ZCCHC12: variants seen among roughly 807,000 people sequenced by gnomAD.
ZCCHC12 encodes the protein zinc finger CCHC-type containing 12.
For synonymous variants in ZCCHC12, 128 were observed against 123.2 expected, an observed-to-expected ratio of 1.04 and a Z score of -0.26; for missense variants, 317 against 323.4, an observed-to-expected ratio of 0.98 and a Z score of 0.15.
Position 118,825,775 on chromosome X carries a change from G to C in ZCCHC12, c.531G>C (p.Gln177His). 2 of 1,211,879 alleles carry C rather than the reference G, an allele frequency of 1.7e-6. No homozygotes were observed. Residue 177 changes from glutamine (Q) to histidine (H), a missense_variant, in exon 4 of 4, where the codon CAG (glutamine) becomes CAC (histidine). Coordinates refer to ENST00000310164, the MANE Select transcript of ZCCHC12 (RefSeq NM_173798.4). Reference protein sequence around the residue: ...EKDANRTRLQQLLLGGELSRD... With the variant: ...EKDANRTRLQHLLLGGELSRD... ...ATGCAAACCGGACTCGCTTGCAGCA[G>C]CTCCTTTTAGGCGGTGAGCTGAGTA...
rs186832346 is a variant in ZCCHC12, at chrX:118,826,173, C to T, written c.929C>T (p.Ser310Phe). 38 of 1,209,749 alleles carry T rather than the reference C, an allele frequency of 3.1e-5. No individual in the cohort carries two copies. In the Admixed American group the frequency reaches 3.7e-4, roughly 12 times the overall value. The change falls in exon 4 of 4, where the codon TCC (serine) becomes TTC (phenylalanine). Residue 310 changes from serine (S) to phenylalanine (F), a missense_variant. Ser to Phe is a radical substitution (Grantham distance 155). Coordinates refer to ENST00000310164, the MANE Select transcript of ZCCHC12 (RefSeq NM_173798.4). ...CAGGATGAAGTGCTGGTCATTGATTCCCCCCACAATTCCAGGGCTCAGTTT... is the reference window on the plus strand; with the variant it reads ...CAGGATGAAGTGCTGGTCATTGATTTCCCCCACAATTCCAGGGCTCAGTTT... ...RPQDEVLVID[S>F]PHNSRAQFPS...
chrX:118,825,209 ATCT>A lies in ZCCHC12; in HGVS notation c.-31_-29del. ...TTAAGCTTTTCTAAAAAGCCTAGGC[ATCT>A]TCTTATATTCAGATACCCTATCGTC... On this transcript the variant is annotated 5_prime_UTR_variant, in exon 4 of 4. Coordinates refer to ENST00000310164, the MANE Select transcript of ZCCHC12 (RefSeq NM_173798.4). The A allele has an allele frequency of 1.7e-6, 2 of 1,211,546 alleles. No individual in the cohort carries two copies. The highest frequency in any genetic ancestry group is 2.2e-6 in the Non-Finnish European group (2 of 895,270).
At chrX:118,824,168 T>C (rs2018224045) in intron 1 of ZCCHC12, among the ~76,000 whole-genome samples, 163 bp downstream of exon 1, 1 of 88,175 alleles carries the variant, frequency 1.1e-5, no homozygotes, top group Non-Finnish European at 2.1e-5. Flanking sequence ...ACCTGGATAC[T>C]GCGGGCTAGG....
At position 118,825,679 on chromosome X, in the gene ZCCHC12, C is replaced by T; in HGVS notation, c.435C>T (p.Ala145=). The T allele has an allele frequency of 8.3e-7, 1 of 1,211,671 alleles. No homozygotes were observed. The highest frequency in any genetic ancestry group is 1.1e-6 in the Non-Finnish European group (1 of 895,547). Reference sequence around the variant, plus strand: ...CCCTACAAGCTCAAGGGGAGAAAGCCTCCCTTTATGTGATCCGTTTAGAGG... The same window carrying T: ...CCCTACAAGCTCAAGGGGAGAAAGCTTCCCTTTATGTGATCCGTTTAGAGG... ...FNTLQAQGEK[A]SLYVIRLEVQ... is the part of the protein sequence containing the mutation. Residue 145 remains alanine, a synonymous_variant, in exon 4 of 4, where the codon GCC becomes GCT. Transcript: ENST00000310164.
Position 118,825,213 on chromosome X carries a change from T to G in ZCCHC12, c.-32T>G. ...GCTTTTCTAAAAAGCCTAGGCATCTTCTTATATTCAGATACCCTATCGTCG... is the reference window on the plus strand; with the variant it reads ...GCTTTTCTAAAAAGCCTAGGCATCTGCTTATATTCAGATACCCTATCGTCG... On this transcript the variant is annotated 5_prime_UTR_variant, in exon 4 of 4. Transcript: ENST00000310164. The G allele has an allele frequency of 8.3e-7, 1 of 1,211,433 alleles. No individual in the cohort carries two copies. The highest frequency in any genetic ancestry group is 1.7e-5 in the African/African-American group (1 of 57,774).
chrX:118,826,412 G>A lies in ZCCHC12; in HGVS notation c.1168G>A (p.Val390Met), dbSNP rs1416197900. ...CCATACTGAGATGGAGAGGTCAAGA[G>A]TGGCCCCTGGCGAATACAATGACTT... Reference protein sequence around the residue: ...LTHTEMERSRVAPGEYNDFSE... With the variant: ...LTHTEMERSRMAPGEYNDFSE... The change falls in exon 4 of 4, where the codon GTG becomes ATG. Residue 390 changes from valine to methionine, a missense_variant. Val to Met is a conservative substitution (Grantham distance 21). Coordinates refer to ENST00000310164, the MANE Select transcript of ZCCHC12 (RefSeq NM_173798.4). 2.5e-6 allele frequency: 3 copies of A among 1,208,991 alleles called. No individual in the cohort carries two copies. The highest frequency in any genetic ancestry group is 1.1e-6 in the Non-Finnish European group (1 of 895,018).
Position 118,825,570 on chromosome X carries a change from G to A in ZCCHC12, c.326G>A (p.Ser109Asn). The A allele has an allele frequency of 1.7e-6, 2 of 1,212,012 alleles. No individual in the cohort carries two copies. The highest frequency in any genetic ancestry group is 2.3e-4 in the Middle Eastern group (1 of 4,356). Residue 109 changes from serine to asparagine, a missense_variant, in exon 4 of 4, where the codon AGT (serine) becomes AAT (asparagine). By Grantham distance (46) the Ser-to-Asn change is conservative. Transcript: ENST00000310164. ...CTTCAGGCGACCAACCCTAACCTAA[G>A]TGTGGCAGATTTCTTGCGAGCCATG... ...RVLQATNPNLSVADFLRAMKL... is the reference protein window; with the variant it reads ...RVLQATNPNLNVADFLRAMKL...
chrX:118,825,210 T>G lies in ZCCHC12; in HGVS notation c.-35T>G. On this transcript the variant is annotated 5_prime_UTR_variant, in exon 4 of 4. Coordinates refer to ENST00000310164, the MANE Select transcript of ZCCHC12 (RefSeq NM_173798.4). ...TAAGCTTTTCTAAAAAGCCTAGGCA[T>G]CTTCTTATATTCAGATACCCTATCG... 2.5e-6 allele frequency: 3 copies of G among 1,211,560 alleles called. No individual in the cohort carries two copies. The highest frequency in any genetic ancestry group is 3.4e-6 in the Non-Finnish European group (3 of 895,270).
chrX:118,825,991 G>C lies in ZCCHC12; in HGVS notation c.747G>C (p.Gln249His). The C allele has an allele frequency of 8.3e-7, 1 of 1,211,621 alleles. No homozygotes were observed. The highest frequency in any genetic ancestry group is 1.1e-6 in the Non-Finnish European group (1 of 895,480). The change falls in exon 4 of 4, where the codon CAG becomes CAC. Residue 249 changes from glutamine to histidine, a missense_variant. By Grantham distance (24) the Gln-to-His change is conservative (BLOSUM62 0). Transcript: ENST00000310164. ...VERAVSPVAF[Q>H]GSPPIVIGSA... ...GGGCAGTCAGCCCTGTGGCATTTCA[G>C]GGCTCCCCACCGATAGTGATCGGCA...
chrX:118,824,294 ATGTGGG>A (rs1328740798), intron 1 of ZCCHC12, 39 bp from the exon 2 acceptor site: 1 of 110,836 alleles, frequency 9.0e-6, no homozygotes, highest in Non-Finnish European at 1.9e-5. Context: ...TGGGAGGAAT[ATGTGGG>A]TGGGTGTGTC....
At position 118,826,421 on chromosome X, in the gene ZCCHC12, G is replaced by A. The variant is rs913813464; in HGVS notation, c.1177G>A (p.Gly393Ser). ...TEMERSRVAPGEYNDFSEPL is the reference protein window; with the variant it reads ...TEMERSRVAPSEYNDFSEPL The stretch of plus-strand genomic sequence containing the variant: ...GATGGAGAGGTCAAGAGTGGCCCCT[G>A]GCGAATACAATGACTTCTCTGAGCC... The change falls in exon 4 of 4, where the codon GGC (glycine) becomes AGC (serine). Residue 393 changes from glycine to serine, a missense_variant. Physicochemically the swap from Gly to Ser is moderately conservative, Grantham distance 56 (BLOSUM62 0). Transcript: ENST00000310164. The A allele has an allele frequency of 7.9e-5, 96 of 1,208,694 alleles. No homozygotes were observed. Among genetic ancestry groups the A allele is most frequent in the Non-Finnish European group, 9.3e-5 (83 of 894,961 alleles).
In ZCCHC12 at chrX:118,826,063, C is replaced by T. The variant is rs1439958600; in HGVS notation, c.819C>T (p.Ser273=). 1 of 1,211,149 alleles carries T rather than the reference C, an allele frequency of 8.3e-7. No individual in the cohort carries two copies. Among genetic ancestry groups the T allele is most frequent in the Non-Finnish European group, 1.1e-6 (1 of 895,187 alleles). The change falls in exon 4 of 4, where the codon TCC becomes TCT. Residue 273 remains serine (S), a synonymous_variant. Coordinates refer to ENST00000310164, the MANE Select transcript of ZCCHC12 (RefSeq NM_173798.4). The part of the protein sequence containing the change: ...VIEIDDTLDD[S]DEDVILVESQ... The stretch of plus-strand genomic sequence containing the variant: ...AGATAGATGATACCCTCGACGACTC[C>T]GATGAGGATGTGATCCTGGTGGAGT...
At chrX:118,825,000 G>A (rs1472576089) in intron 3 of ZCCHC12, 131 bp from the exon 4 acceptor site, 1 of 415,590 alleles carries the variant, frequency 2.4e-6, no homozygotes, top group Non-Finnish European at 4.1e-6. Flanking sequence ...GAGGTTGTAA[G>A]TGTCAATCTC....
At chrX:118,824,928 G>A (rs947678035) in intron 3 of ZCCHC12, among the ~76,000 whole-genome samples, 33 of 111,822 alleles carry the variant, frequency 3.0e-4, no homozygotes, top group African/African-American at 1.0e-3. Flanking sequence ...GAGGACTGGT[G>A]GGAGGGATGG....
rs2018229126 is a variant in ZCCHC12 at position 118,824,625 on chromosome X, C to T, written c.-203C>T. The T allele has an allele frequency of 8.9e-6, 1 of 112,024 alleles. No homozygotes were observed. The highest frequency in any genetic ancestry group is 3.3e-5 in the African/African-American group (1 of 30,402). The allele number at this position is 112,024 out of a possible 1,213,427, so 9.2% of individuals were successfully genotyped here. A position where few individuals can be genotyped will look rare whatever the true frequency, so the allele number is the denominator to read the frequency against. On this transcript the variant is annotated 5_prime_UTR_variant, in exon 3 of 4. Transcript: ENST00000310164. The stretch of plus-strand genomic sequence containing the variant: ...GCGACCCCCTGTGGACAGAGGTTGA[C>T]CGTACCCCGGAGAGGAGCTTTCTCA...
chrX:118,826,373 C>T lies in ZCCHC12; in HGVS notation c.1129C>T (p.Leu377Phe), dbSNP rs1291573313. 3 of 1,211,826 alleles carry T rather than the reference C, an allele frequency of 2.5e-6. No individual in the cohort carries two copies. Among genetic ancestry groups the T allele is most frequent in the South Asian group, 1.8e-5 (1 of 56,975 alleles). ...GGTTTTTGAGAATTTGATCATCACT[C>T]TCCAGGAGCTGACCCATACTGAGAT... ...AQVFENLIIT[L>F]QELTHTEMER... The change falls in exon 4 of 4, where the codon CTC (leucine) becomes TTC (phenylalanine). Residue 377 changes from leucine (L) to phenylalanine (F), a missense_variant. By Grantham distance (22) the Leu-to-Phe change is conservative. Transcript: ENST00000310164.
chrX:118,825,325 G>A lies in ZCCHC12; in HGVS notation c.81G>A (p.Arg27=). 8.3e-7 allele frequency: 1 copy of A among 1,211,546 alleles called. No homozygotes were observed. The highest frequency in any genetic ancestry group is 1.1e-6 in the Non-Finnish European group (1 of 895,489). ...PLPPWAHSML[R]SLGRSLGPIM... The stretch of plus-strand genomic sequence containing the variant: ...CGCCTTGGGCCCATTCCATGCTGAG[G>A]TCCCTGGGGAGAAGTCTCGGTCCTA... The change falls in exon 4 of 4, where the codon AGG becomes AGA. Residue 27 remains arginine (R), a synonymous_variant. Coordinates refer to ENST00000310164, the MANE Select transcript of ZCCHC12 (RefSeq NM_173798.4).
Position 118,826,418 on chromosome X carries a change from C to A in ZCCHC12, c.1174C>A (p.Pro392Thr). Residue 392 changes from proline (P) to threonine (T), a missense_variant, in exon 4 of 4, where the codon CCT becomes ACT. Transcript: ENST00000310164. ...HTEMERSRVAPGEYNDFSEPL is the reference protein window; with the variant it reads ...HTEMERSRVATGEYNDFSEPL Reference sequence around the variant, plus strand: ...TGAGATGGAGAGGTCAAGAGTGGCCCCTGGCGAATACAATGACTTCTCTGA... The same window carrying A: ...TGAGATGGAGAGGTCAAGAGTGGCCACTGGCGAATACAATGACTTCTCTGA... 1.2e-5 allele frequency: 14 copies of A among 1,210,994 alleles called. No individual in the cohort carries two copies. Among genetic ancestry groups the A allele is most frequent in the Non-Finnish European group, 1.6e-5 (14 of 895,372 alleles).
Position 118,826,049 on chromosome X carries a change from A to G in ZCCHC12, c.805A>G (p.Thr269Ala). The change falls in exon 4 of 4, where the codon ACC becomes GCC. Residue 269 changes from threonine (T) to alanine (A), a missense_variant. By Grantham distance (58) the Thr-to-Ala change is moderately conservative. Transcript: ENST00000310164. Reference sequence around the variant, plus strand: ...CTGCAATGTGATAGAGATAGATGATACCCTCGACGACTCCGATGAGGATGT... The same window carrying G: ...CTGCAATGTGATAGAGATAGATGATGCCCTCGACGACTCCGATGAGGATGT... ...ADCNVIEIDD[T>A]LDDSDEDVIL... The G allele has an allele frequency of 8.3e-7, 1 of 1,208,304 alleles. No individual in the cohort carries two copies. Among genetic ancestry groups the G allele is most frequent in the Non-Finnish European group, 1.1e-6 (1 of 894,494 alleles).
Sources: allele counts gnomAD v4.1 joint callset (sites outside exome capture counted in the v4.1 genomes callset), GRCh38; gene constraint gnomAD v4.1.1; transcripts MANE v1.5; gene names NCBI Gene and HGNC (gene_info 2026-07-23, HGNC 2026-07-21).